Variants in ACSS3 observed in about 807,000 individuals in gnomAD.
The protein encoded by ACSS3 is acyl-CoA synthetase short-chain family member 3, mitochondrial.
ACSS3 carries 64 observed loss-of-function variants against 84.2 expected under a neutral mutation model. That is an observed-to-expected ratio of 0.76 (90% CI 0.62 to 0.94). The LOEUF (loss-of-function observed/expected upper bound fraction) is 0.94. Among genes scored for constraint, ACSS3 ranks in the 40% least tolerant of loss-of-function variants. The pLI, the probability that ACSS3 is intolerant of heterozygous loss-of-function variation, is 0.00. For synonymous variants in ACSS3, 317 were observed against 310.1 expected (o/e 1.02, Z -0.23); for missense variants, 815 against 867.6 (o/e 0.94, Z 0.76).
At chr12:81,179,630 C>T (rs151320208) in intron 8 of ACSS3, among the ~76,000 whole-genome samples, 2,149 of 151,796 alleles carry the variant, frequency 0.014, 36 homozygotes, top group South Asian at 0.027. Context: ...ATTAGCCAGG[C>T]GTGGTGGTGG....
At chr12:81,131,450 A>G (rs768365669) in intron 2 of ACSS3, among the ~76,000 whole-genome samples, 5 of 152,122 alleles carry the variant, frequency 3.3e-5, no homozygotes, top group Non-Finnish European at 5.9e-5. Context: ...ATGTATAGGA[A>G]TGCCTGTGGT....
At chr12:81,145,067 A>ATTT (rs35753293) in intron 5 of ACSS3, among the ~76,000 whole-genome samples, 1,389 of 100,824 alleles carry the variant, frequency 0.014, 23 homozygotes, top group Middle Eastern at 0.023. Flanking sequence ...CGCCTGGCTA[A>ATTT]TTTTTTTTTT....
chr12:81,093,903 T>G (rs561392511), intron 1 of ACSS3, among the ~76,000 whole-genome samples: 15 of 152,282 alleles, frequency 9.9e-5, no homozygotes, highest in Non-Finnish European at 1.8e-4. Flanking sequence ...TCTGTTCTTA[T>G]AGAGAAATGG....
At chr12:81,245,117 G>A (rs955917268) in intron 13 of ACSS3, among the ~76,000 whole-genome samples, 1 of 152,174 alleles carries the variant, frequency 6.6e-6, no homozygotes, top group Non-Finnish European at 1.5e-5. Context: ...TCATGAACAT[G>A]TATCCTTGGA....
chr12:81,256,097 G>A lies in ACSS3; in HGVS notation c.*1175G>A, dbSNP rs1052631618. ...CTAGGTGATTTTGAAGTGAACTTAA[G>A]CCACTAGGTTTGAGGGACAAAGGAC... On this transcript the variant is annotated 3_prime_UTR_variant, in exon 16 of 16. Transcript: ENST00000548058. 3.7e-4 allele frequency: 57 copies of A among 152,172 alleles called. No homozygotes were observed. The highest frequency in any genetic ancestry group is 3.7e-3 in the Admixed American group (57 of 15,270). The allele number at this position is 152,172 out of a possible 1,614,324, so 9.4% of individuals were successfully genotyped here.
chr12:81,260,297 A>G lies in ACSS3; in HGVS notation c.*5375A>G, dbSNP rs2034970487. 6.6e-6 allele frequency: 1 copy of G among 152,202 alleles called. No homozygotes were observed. The highest frequency in any genetic ancestry group is 1.5e-5 in the Non-Finnish European group (1 of 68,034). 9.4% of individuals were successfully genotyped at this position (152,202 alleles called of 1,614,324 possible). A position where few individuals can be genotyped will look rare whatever the true frequency, so the allele number is the denominator to read the frequency against. On this transcript the variant is annotated 3_prime_UTR_variant, in exon 16 of 16. Transcript: ENST00000548058. ...ATTGTAAATGAATACTGTTATCCCA[A>G]TTAATGGTAAAAACTAGGAAATATG...
intron 8 of ACSS3, among the ~76,000 whole-genome samples, chr12:81,190,455 T>C (rs1475145458): frequency 6.6e-6 from 1 of 152,124 alleles, no homozygotes; most frequent in Non-Finnish European, 1.5e-5. Flanking sequence ...TTTTGTATAA[T>C]GACCTACTTT....
rs111558111 is a variant in ACSS3 at position 81,256,142 on chromosome 12, T to C, written c.*1220T>C. 7 of 152,250 alleles carry C rather than the reference T, an allele frequency of 4.6e-5. No individual in the cohort carries two copies. The highest frequency in any genetic ancestry group is 1.7e-4 in the African/African-American group (7 of 41,554). 9.4% of individuals were successfully genotyped at this position (152,250 alleles called of 1,614,324 possible). The stretch of plus-strand genomic sequence containing the variant: ...AAGGACAGTAGAAAATGGTGAAGAC[T>C]GCAGATCACCTGCTATACCTCAAGG... On this transcript the variant is annotated 3_prime_UTR_variant, in exon 16 of 16. Coordinates refer to ENST00000548058, the MANE Select transcript of ACSS3 (RefSeq NM_024560.4).
At chr12:81,174,992 A>G (rs916522764) in intron 8 of ACSS3, 53 bp downstream of exon 8, 16 of 1,571,190 alleles carry the variant, frequency 1.0e-5, no homozygotes, top group South Asian at 7.0e-5. Context: ...ATCAAAATGA[A>G]TAAGTGAACA....
intron 2 of ACSS3, among the ~76,000 whole-genome samples, chr12:81,130,036 T>C (rs1383112939): frequency 6.6e-6 from 1 of 152,202 alleles, no homozygotes; most frequent in Non-Finnish European, 1.5e-5. Flanking sequence ...TGATGGACAT[T>C]TGGGTTGGTT....
intron 7 of ACSS3, chr12:81,174,544 A>G (rs1454317236): frequency 2.9e-6 from 1 of 346,930 alleles, no homozygotes; most frequent in African/African-American, 2.1e-5. Flanking sequence ...TTATTTTTCA[A>G]AACTTGATGA....
At chr12:81,249,196 C>G (rs989694103) in intron 13 of ACSS3, among the ~76,000 whole-genome samples, 1 of 152,068 alleles carries the variant, frequency 6.6e-6, no homozygotes, top group Non-Finnish European at 1.5e-5. Flanking sequence ...CTAAAATCTG[C>G]TAGTTCTGCA....
At chr12:81,173,950 T>C (rs1372885707) in intron 7 of ACSS3, among the ~76,000 whole-genome samples, 1 of 152,100 alleles carries the variant, frequency 6.6e-6, no homozygotes, top group African/African-American at 2.4e-5. Flanking sequence ...TGGATATATA[T>C]ATATATATCC....
chr12:81,085,437 C>T lies in ACSS3; in HGVS notation c.311+7006C>T, dbSNP rs1375309775. On this transcript the variant is annotated intron_variant, in intron 1 of 15. Coordinates refer to ENST00000548058, the MANE Select transcript of ACSS3 (RefSeq NM_024560.4). ...TGAACTATCAACTATACAGTAGAGTCACATATTTCCATTTATTCCTTCCCC... is the reference window on the plus strand; with the variant it reads ...TGAACTATCAACTATACAGTAGAGTTACATATTTCCATTTATTCCTTCCCC... 3.9e-5 allele frequency among the ~76,000 whole-genome samples: 6 copies of T among 152,284 alleles called. No individual in the cohort carries two copies. In the South Asian group the frequency reaches 1.2e-3, roughly 32 times the overall value.
intron 8 of ACSS3, among the ~76,000 whole-genome samples, chr12:81,198,560 A>G (rs2031952737): frequency 6.6e-6 from 1 of 151,272 alleles, no homozygotes; most frequent in African/African-American, 2.4e-5. Context: ...CTTTTTATAT[A>G]TATATAAACA....
At chr12:81,125,483 C>T (rs1381043897) in intron 2 of ACSS3, 1 of 152,166 alleles carries the variant, frequency 6.6e-6, no homozygotes, top group East Asian at 1.9e-4. Context: ...TGCCAGTCTT[C>T]ACTTAACTTC....
intron 8 of ACSS3, among the ~76,000 whole-genome samples, chr12:81,192,728 G>A (rs888935306): frequency 5.9e-5 from 9 of 152,052 alleles, no homozygotes; most frequent in South Asian, 4.2e-4. Flanking sequence ...TAGTTTCAAC[G>A]CCTGTCAGTC....
At chr12:81,085,670 A>G (rs556975786) in intron 1 of ACSS3, among the ~76,000 whole-genome samples, 1 of 152,354 alleles carries the variant, frequency 6.6e-6, no homozygotes, top group African/African-American at 2.4e-5. Flanking sequence ...ATTTTTGGCT[A>G]CTAAATTGAA....
rs1262447860 is a variant in ACSS3, at chr12:81,257,806, T to C, written c.*2884T>C. Reference sequence around the variant, plus strand: ...GGATTTTAGAATCTAGTAGAAGTTATCTTTCTTATAAATTAAAACATATTT... The same window carrying C: ...GGATTTTAGAATCTAGTAGAAGTTACCTTTCTTATAAATTAAAACATATTT... On this transcript the variant is annotated 3_prime_UTR_variant, in exon 16 of 16. Coordinates refer to ENST00000548058, the MANE Select transcript of ACSS3 (RefSeq NM_024560.4). 1.3e-5 allele frequency: 2 copies of C among 152,160 alleles called. No individual in the cohort carries two copies. Among genetic ancestry groups the C allele is most frequent in the Non-Finnish European group, 2.9e-5 (2 of 67,996 alleles). The allele number at this position is 152,160 out of a possible 1,614,324, so 9.4% of individuals were successfully genotyped here. A position where few individuals can be genotyped will look rare whatever the true frequency, so the allele number is the denominator to read the frequency against.
Sources: allele counts gnomAD v4.1 joint callset (sites outside exome capture counted in the v4.1 genomes callset), GRCh38; gene constraint gnomAD v4.1.1; transcripts MANE v1.5; gene names NCBI Gene and HGNC (gene_info 2026-07-23, HGNC 2026-07-21).